Variants in PRKN observed in about 807,000 individuals in gnomAD.
PRKN encodes the protein E3 ubiquitin-protein ligase parkin.
A neutral mutation model predicts 59.5 loss-of-function variants in PRKN; 56 were observed. That is an observed-to-expected ratio of 0.94 (90% CI 0.76 to 1.18). The LOEUF is 1.18. PRKN is among the 50% of genes most tolerant of loss of function. The pLI is 0.00. For synonymous variants in PRKN, 250 were observed against 222.1 expected, an observed-to-expected ratio of 1.13 and a Z score of -1.12; for missense variants, 657 against 596.4, an observed-to-expected ratio of 1.10 and a Z score of -1.06.
At chr6:161,818,330 AT>A (rs11406749) in intron 6 of PRKN, among the ~76,000 whole-genome samples, 46,223 of 148,528 alleles carry the variant, frequency 0.31, 8,257 homozygotes, top group East Asian at 0.5. Flanking sequence ...ACTTGTTTTA[AT>A]TTTTTTTTTT....
intron 2 of PRKN, among the ~76,000 whole-genome samples, chr6:162,361,834 G>A (rs1323725702): frequency 6.6e-6 from 1 of 152,134 alleles, no homozygotes; most frequent in Non-Finnish European, 1.5e-5. Flanking sequence ...AATACGTGCA[G>A]CCTGATATCA....
Position 162,110,096 on chromosome 6 carries a change from A to T in PRKN, c.535-55922T>A, listed in dbSNP as rs542586380. On this transcript the variant is annotated intron_variant, in intron 4 of 11. Coordinates refer to ENST00000366898, the MANE Select transcript of PRKN (RefSeq NM_004562.3). ...TCAATTTCAAAATTCTTTTGAATGT[A>T]CTATGTGTGTGTACTATGGGATAAA... Among the ~76,000 whole-genome samples, 4 of 152,214 alleles carry T rather than the reference A, an allele frequency of 2.6e-5. No individual in the cohort carries two copies. The South Asian group carries it at 8.3e-4, about 31-fold the overall frequency.
chr6:161,713,968 C>T lies in PRKN; in HGVS notation c.871+71804G>A, dbSNP rs551811155. Among the ~76,000 whole-genome samples the T allele has an allele frequency of 3.2e-3, 486 of 152,218 alleles. 4 individuals carry two copies. Among genetic ancestry groups the T allele is most frequent in the South Asian group, 0.018 (88 of 4,814 alleles). On this transcript the variant is annotated intron_variant, in intron 7 of 11. Coordinates refer to ENST00000366898, the MANE Select transcript of PRKN (RefSeq NM_004562.3). Reference sequence around the variant, plus strand: ...TGTCACCATGAAAGATATGTCTTTGCTCCTCCTTCCCCTTCTGCCATGATT... The same window carrying T: ...TGTCACCATGAAAGATATGTCTTTGTTCCTCCTTCCCCTTCTGCCATGATT...
chr6:162,652,491 A>G (rs935540599), intron 1 of PRKN, among the ~76,000 whole-genome samples: 6 of 152,186 alleles, frequency 3.9e-5, no homozygotes, highest in Admixed American at 3.3e-4. Flanking sequence ...TTATATTTTA[A>G]GACCAATAGT....
chr6:162,418,230 A>G (rs1391721623), intron 2 of PRKN, among the ~76,000 whole-genome samples: 1 of 152,208 alleles, frequency 6.6e-6, no homozygotes, highest in East Asian at 1.9e-4. Context: ...AAAACATTGT[A>G]CTAAGTGAAA....
chr6:161,824,894 T>C (rs893160113), intron 6 of PRKN, among the ~76,000 whole-genome samples: 2 of 152,182 alleles, frequency 1.3e-5, no homozygotes, highest in African/African-American at 4.8e-5. Context: ...CATTGATGAG[T>C]TTTGTCAATT....
At chr6:161,479,065 T>A (rs1362592039) in intron 9 of PRKN, among the ~76,000 whole-genome samples, 1 of 152,188 alleles carries the variant, frequency 6.6e-6, no homozygotes, top group Non-Finnish European at 1.5e-5. Flanking sequence ...CTTATAGATG[T>A]GCAGAAAATT....
chr6:161,429,462 G>A lies in PRKN; in HGVS notation c.1084-42585C>T, dbSNP rs1368163894. Among the ~76,000 whole-genome samples the A allele has an allele frequency of 6.6e-6, 1 of 152,200 alleles. No individual in the cohort carries two copies. The highest frequency in any genetic ancestry group is 2.4e-5 in the African/African-American group (1 of 41,438). On this transcript the variant is annotated intron_variant, in intron 9 of 11. Coordinates refer to ENST00000366898, the MANE Select transcript of PRKN (RefSeq NM_004562.3). The surrounding 1 kb of genome is among the most constrained non-coding windows in gnomAD (Gnocchi z 4.2). Reference sequence around the variant, plus strand: ...AGAGGGACGGAGAAATAACACGAATGTGGTGAGGCAGGGTGGTATCCCCAG... The same window carrying A: ...AGAGGGACGGAGAAATAACACGAATATGGTGAGGCAGGGTGGTATCCCCAG...
intron 8 of PRKN, among the ~76,000 whole-genome samples, chr6:161,553,263 A>C (rs1327173547): frequency 6.6e-6 from 1 of 152,090 alleles, no homozygotes; most frequent in Non-Finnish European, 1.5e-5. Context: ...TGCAGTTTAT[A>C]ATGCACCTGG....
At chr6:162,449,067 A>T (rs1790463051) in intron 1 of PRKN, among the ~76,000 whole-genome samples, 1 of 151,884 alleles carries the variant, frequency 6.6e-6, no homozygotes, top group Non-Finnish European at 1.5e-5. Flanking sequence ...TTGTATTTTT[A>T]GTAGAGAAGG....
chr6:161,727,965 TA>T (rs1787515375), intron 7 of PRKN, among the ~76,000 whole-genome samples: 1 of 152,174 alleles, frequency 6.6e-6, no homozygotes, highest in South Asian at 2.1e-4. Flanking sequence ...AAACAGATTT[TA>T]AAAATTAATA....
rs1345643947 is a variant in PRKN at position 161,400,917 on chromosome 6, A to G, written c.1084-14040T>C. On this transcript the variant is annotated intron_variant, in intron 9 of 11. Transcript: ENST00000366898. This position sits in a 1 kb window ranked among gnomAD's most constrained non-coding sequence, Gnocchi z 4.2. ...CACTGTGTCTGATTTACTTGTTTGC[A>G]CACTTTGTCAAATCTTGGACCAGGG... Among the ~76,000 whole-genome samples the G allele has an allele frequency of 1.3e-5, 2 of 152,222 alleles. No homozygotes were observed. Among genetic ancestry groups the G allele is most frequent in the Non-Finnish European group, 2.9e-5 (2 of 68,048 alleles).
At chr6:161,772,230 A>T (rs1789724099) in intron 7 of PRKN, among the ~76,000 whole-genome samples, 1 of 152,188 alleles carries the variant, frequency 6.6e-6, no homozygotes, top group Non-Finnish European at 1.5e-5. Flanking sequence ...TTCCAGCCTC[A>T]GATACACTTA....
chr6:162,303,160 G>T (rs571175052), intron 2 of PRKN, among the ~76,000 whole-genome samples: 21 of 152,258 alleles, frequency 1.4e-4, no homozygotes, highest in African/African-American at 5.1e-4. Flanking sequence ...AATGGCAATA[G>T]TTATTAAATA....
intron 1 of PRKN, among the ~76,000 whole-genome samples, chr6:162,673,754 TGG>T (rs1175659851): frequency 6.6e-6 from 1 of 151,990 alleles, no homozygotes; most frequent in Non-Finnish European, 1.5e-5. Flanking sequence ...CAGAGGAAGA[TGG>T]AAAATAACAG....
intron 1 of PRKN, among the ~76,000 whole-genome samples, chr6:162,578,073 A>G (rs1355157393): frequency 6.6e-6 from 1 of 152,226 alleles, no homozygotes; most frequent in East Asian, 1.9e-4. Context: ...ATAAAAACCC[A>G]TTCAAAGGCT....
At chr6:162,337,988 C>G (rs1783926166) in intron 2 of PRKN, among the ~76,000 whole-genome samples, 1 of 152,062 alleles carries the variant, frequency 6.6e-6, no homozygotes, top group Non-Finnish European at 1.5e-5. Context: ...CTTTAAATAT[C>G]TTTAAAGTTT....
intron 9 of PRKN, among the ~76,000 whole-genome samples, chr6:161,424,018 T>C (rs1262398629): frequency 1.3e-5 from 2 of 152,098 alleles, no homozygotes; most frequent in Non-Finnish European, 2.9e-5. Flanking sequence ...GTGTTGAAGA[T>C]AAATTGAGGC....
intron 5 of PRKN, among the ~76,000 whole-genome samples, chr6:162,031,509 A>C (rs1783637787): frequency 6.6e-6 from 1 of 151,588 alleles, no homozygotes; most frequent in Non-Finnish European, 1.5e-5. Flanking sequence ...GGCTGCCAAA[A>C]GAGTCACTTT....
Sources: gnomAD v4.1 joint callset for allele counts (sites outside exome capture counted in the v4.1 genomes callset) on GRCh38, gnomAD v4.1.1 for gene constraint, Gnocchi (gnomAD v3.1) non-coding constraint, MANE v1.5 for transcripts, NCBI Gene and HGNC (gene_info 2026-07-23, HGNC 2026-07-21) for gene names.